STX7: variants seen among roughly 807,000 people sequenced by gnomAD.
STX7 encodes syntaxin 7.
STX7 carries 34 observed loss-of-function variants against 39.6 expected under a neutral mutation model. The observed-to-expected ratio is 0.86, with a 90% CI of 0.65 to 1.14. The LOEUF (loss-of-function observed/expected upper bound fraction) is 1.14. Among genes scored for constraint, STX7 ranks in the 50% most tolerant of loss-of-function variants. The pLI is 0.00. For missense variants in STX7, 284 were observed against 310.4 expected, an observed-to-expected ratio of 0.92 and a Z score of 0.64; for synonymous variants, 119 against 99.1, an observed-to-expected ratio of 1.20 and a Z score of -1.19.
chr6:132,498,956 C>T (rs1249614883), intron 2 of STX7, among the ~76,000 whole-genome samples: 1 of 152,154 alleles, frequency 6.6e-6, no homozygotes, highest in African/African-American at 2.4e-5. Flanking sequence ...AACACATTTG[C>T]TAAACCCCCT....
At chr6:132,502,591 T>C (rs774275003) in intron 2 of STX7, among the ~76,000 whole-genome samples, 19 of 151,900 alleles carry the variant, frequency 1.3e-4, no homozygotes, top group Non-Finnish European at 1.9e-4. Flanking sequence ...GTAATCTATC[T>C]CTGACAAGTA....
Position 132,451,956 on chromosome 6 carries a change from C to T in STX7, c.*8802G>A, listed in dbSNP as rs1286673156. 1 of 152,144 alleles carries T rather than the reference C, an allele frequency of 6.6e-6. No homozygotes were observed. Among genetic ancestry groups the T allele is most frequent in the Non-Finnish European group, 1.5e-5 (1 of 68,008 alleles). The allele number at this position is 152,144 out of a possible 1,614,324, so 9.4% of individuals were successfully genotyped here. ...CTAGTATTACCCTGATACCACCAAC[C>T]AGTATGTCGCATTAAAACAGATGCA... is the stretch of plus-strand genomic sequence containing the variant. On this transcript the variant is annotated 3_prime_UTR_variant, in exon 10 of 10. Transcript: ENST00000367941.
rs1006611406 is a variant in STX7, at chr6:132,455,325, C to T, written c.*5433G>A. On this transcript the variant is annotated 3_prime_UTR_variant, in exon 10 of 10. Coordinates refer to ENST00000367941, the MANE Select transcript of STX7 (RefSeq NM_003569.3). Reference sequence around the variant, plus strand: ...AACTAGGTATCAGAAAAATCTTAGTCGAGGCTAAATAACTGCATTTATAAG... The same window carrying T: ...AACTAGGTATCAGAAAAATCTTAGTTGAGGCTAAATAACTGCATTTATAAG... 11 of 152,116 alleles carry T rather than the reference C, an allele frequency of 7.2e-5. No homozygotes were observed. The highest frequency in any genetic ancestry group is 2.2e-4 in the African/African-American group (9 of 41,424). The allele number at this position is 152,116 out of a possible 1,614,324, so 9.4% of individuals were successfully genotyped here. A position where few individuals can be genotyped will look rare whatever the true frequency, so the allele number is the denominator to read the frequency against.
intron 2 of STX7, among the ~76,000 whole-genome samples, chr6:132,485,594 T>A (rs1775113040): frequency 6.6e-6 from 1 of 152,252 alleles, no homozygotes; most frequent in South Asian, 2.1e-4. Flanking sequence ...TCAGTCAAAC[T>A]ATTTTACAAA....
intron 2 of STX7, among the ~76,000 whole-genome samples, chr6:132,489,101 C>T (rs1372019412): frequency 6.7e-6 from 1 of 148,960 alleles, no homozygotes; most frequent in East Asian, 2.0e-4. Context: ...ACTCGAGAGG[C>T]TGAAGCACAA....
At chr6:132,477,617 C>T (rs1774905854) in intron 2 of STX7, among the ~76,000 whole-genome samples, 2 of 151,964 alleles carry the variant, frequency 1.3e-5, no homozygotes, top group Non-Finnish European at 1.5e-5. Context: ...TATACATGAT[C>T]TTGGAGTAAG....
At chr6:132,507,206 G>A (rs76404875) in intron 1 of STX7, among the ~76,000 whole-genome samples, 5,579 of 152,214 alleles carry the variant, frequency 0.037, 211 homozygotes, top group African/African-American at 0.091. Flanking sequence ...CATTATTCAG[G>A]TGATGATTAC....
At chr6:132,479,491 A>T (rs1774962926) in intron 2 of STX7, among the ~76,000 whole-genome samples, 1 of 152,200 alleles carries the variant, frequency 6.6e-6, no homozygotes, top group Non-Finnish European at 1.5e-5. Flanking sequence ...ACAATGGTAC[A>T]AGGTAACCAA....
In STX7 at chr6:132,460,247, A is replaced by G. The variant is rs1774355475; in HGVS notation, c.*511T>C. On this transcript the variant is annotated 3_prime_UTR_variant, in exon 10 of 10. Transcript: ENST00000367941. ...TTAAAAGAAAACCAACAAAAAAATGAAAGACACTTTGTGCTGTTGTGAACC... is the reference window on the plus strand; with the variant it reads ...TTAAAAGAAAACCAACAAAAAAATGGAAGACACTTTGTGCTGTTGTGAACC... 6.6e-6 allele frequency: 1 copy of G among 152,256 alleles called. No homozygotes were observed. Among genetic ancestry groups the G allele is most frequent in the African/African-American group, 2.4e-5 (1 of 41,474 alleles). The allele number at this position is 152,256 out of a possible 1,614,324, so 9.4% of individuals were successfully genotyped here.
rs3800204 is a variant in STX7, at chr6:132,460,333, G to T, written c.*425C>A. 36,104 of 152,880 alleles carry T rather than the reference G, an allele frequency of 0.24. 4,644 individuals are homozygous for T. The highest frequency in any genetic ancestry group is 0.54 in the East Asian group (2,805 of 5,182). The allele number at this position is 152,880 out of a possible 1,614,324, so 9.5% of individuals were successfully genotyped here. A position where few individuals can be genotyped will look rare whatever the true frequency, so the allele number is the denominator to read the frequency against. ...TTACATTATTGAGAATATTTTCCCT[G>T]CTGAAGCAAATCAAAATTAAATTTG... On this transcript the variant is annotated 3_prime_UTR_variant, in exon 10 of 10. Transcript: ENST00000367941.
rs940450729 is a variant in STX7 at position 132,459,045 on chromosome 6, G to A, written c.*1713C>T. The A allele has an allele frequency of 6.6e-6, 1 of 152,146 alleles. No homozygotes were observed. The highest frequency in any genetic ancestry group is 2.4e-5 in the African/African-American group (1 of 41,428). 9.4% of individuals were successfully genotyped at this position (152,146 alleles called of 1,614,324 possible). ...ATGGGGATGGGACTTTAAAACAGCG[G>A]TAAGACGCTGGTTTATCACCAGAAA... On this transcript the variant is annotated 3_prime_UTR_variant, in exon 10 of 10. Coordinates refer to ENST00000367941, the MANE Select transcript of STX7 (RefSeq NM_003569.3).
intron 1 of STX7, among the ~76,000 whole-genome samples, chr6:132,504,970 G>C (rs1204573704): frequency 6.6e-6 from 1 of 152,196 alleles, no homozygotes; most frequent in Non-Finnish European, 1.5e-5. Flanking sequence ...GGAAGGGAAG[G>C]TTCCTGGCCA....
chr6:132,468,627 G>A, intron 7 of STX7, 152 bp from the exon 8 acceptor site: 1 of 515,976 alleles, frequency 1.9e-6, no homozygotes, highest in Non-Finnish European at 3.4e-6. Context: ...GAAATATCAG[G>A]AAAATATTTG....
chr6:132,488,630 TG>T (rs1416107343), intron 2 of STX7, among the ~76,000 whole-genome samples: 1 of 152,172 alleles, frequency 6.6e-6, no homozygotes, highest in African/African-American at 2.4e-5. Flanking sequence ...GAACCATACT[TG>T]AGTGCTAATA....
intron 2 of STX7, among the ~76,000 whole-genome samples, chr6:132,480,504 A>G (rs1218611200): frequency 1.3e-5 from 2 of 152,344 alleles, no homozygotes; most frequent in Admixed American, 1.3e-4. Flanking sequence ...GACAACATCC[A>G]AGGGAGGAAA....
intron 2 of STX7, among the ~76,000 whole-genome samples, chr6:132,502,464 T>TA (rs202227068): frequency 0.015 from 2,224 of 150,292 alleles, 27 homozygotes; most frequent in African/African-American, 0.033. Flanking sequence ...CAAAAAAAAG[T>TA]AAAAAAAAAT....
chr6:132,508,580 G>C (rs986857404), intron 1 of STX7, among the ~76,000 whole-genome samples: 3 of 152,134 alleles, frequency 2.0e-5, no homozygotes, highest in Non-Finnish European at 4.4e-5. Flanking sequence ...GTGTGATTAC[G>C]ACTCACTGCA....
chr6:132,472,175 T>C, intron 4 of STX7, 107 bp downstream of exon 4: 1 of 782,444 alleles, frequency 1.3e-6, no homozygotes, highest in Non-Finnish European at 2.0e-6. Context: ...ATTTTTGATT[T>C]CCTTTCTAGC....
intron 1 of STX7, 131 bp downstream of exon 1, chr6:132,512,876 C>A (rs750699194): frequency 6.6e-6 from 1 of 152,242 alleles, no homozygotes; most frequent in Non-Finnish European, 1.5e-5. Context: ...CCTAGCCTCC[C>A]GAGTGCCTGC....
Sources: allele counts gnomAD v4.1 joint callset (sites outside exome capture counted in the v4.1 genomes callset), GRCh38; gene constraint gnomAD v4.1.1; transcripts MANE v1.5; gene names NCBI Gene and HGNC (gene_info 2026-07-23, HGNC 2026-07-21).